The following CD4 variants were observed in gnomAD, a reference collection of about 807,000 sequenced individuals.
CD4 encodes T-cell surface glycoprotein CD4.
CD4 carries 25 observed loss-of-function variants against 50.5 expected under a neutral mutation model. The observed-to-expected ratio is 0.49, with a 90% CI of 0.36 to 0.69. The LOEUF (loss-of-function observed/expected upper bound fraction) is 0.69, where lower values mean the gene tolerates loss of function less well. Ranked by LOEUF, CD4 falls within the 30% of genes least tolerant of loss-of-function variation. CD4 has a pLI of 0.00. For synonymous variants in CD4, 207 were observed against 221.9 expected (o/e 0.93, Z 0.60); for missense variants, 456 against 548.5 (o/e 0.83, Z 1.68).
intron 1 of CD4, among the ~76,000 whole-genome samples, chr12:6,796,945 C>G (rs114306020): frequency 6.6e-6 from 1 of 152,214 alleles, no homozygotes; most frequent in African/African-American, 2.4e-5. Flanking sequence ...CCTCCTCGCA[C>G]ATCCCTACCA....
At position 6,814,202 on chromosome 12, in the gene CD4, T is replaced by C; in HGVS notation, c.275T>C (p.Phe92Ser). Residue 92 changes from phenylalanine (F) to serine (S), a missense_variant, in exon 4 of 10, where the codon TTT becomes TCT. By Grantham distance (155) the Phe-to-Ser change is radical (BLOSUM62 -2). Transcript: ENST00000011653. ...AGAAGCCTTTGGGACCAAGGAAACT[T>C]TCCCCTGATCATCAAGAATCTTAAG... is the stretch of plus-strand genomic sequence containing the variant. ...SRRSLWDQGNFPLIIKNLKIE... is the reference protein window; with the variant it reads ...SRRSLWDQGNSPLIIKNLKIE... The C allele has an allele frequency of 6.2e-7, 1 of 1,614,126 alleles. No individual in the cohort carries two copies. Among genetic ancestry groups the C allele is most frequent in the African/African-American group, 1.3e-5 (1 of 75,028 alleles).
At position 6,814,877 on chromosome 12, in the gene CD4, G is replaced by T. The variant is rs1943044894; in HGVS notation, c.492G>T (p.Gln164His). The change falls in exon 5 of 10, where the codon CAG becomes CAT. Residue 164 changes from glutamine to histidine, a missense_variant. Physicochemically the swap from Gln to His is conservative, Grantham distance 24. Coordinates refer to ENST00000011653, the MANE Select transcript of CD4 (RefSeq NM_000616.5). ...GGAGTCCAAGGGGTAAAAACATACA[G>T]GGGGGGAAGACCCTCTCCGTGTCTC... is the stretch of plus-strand genomic sequence containing the variant. ...QCRSPRGKNI[Q>H]GGKTLSVSQL... is the part of the protein sequence containing the mutation. 3 of 1,612,830 alleles carry T rather than the reference G, an allele frequency of 1.9e-6. No homozygotes were observed. The highest frequency in any genetic ancestry group is 2.2e-5 in the East Asian group (1 of 44,868).
chr12:6,810,584 G>A (rs1448942911), intron 3 of CD4, among the ~76,000 whole-genome samples: 1 of 152,194 alleles, frequency 6.6e-6, no homozygotes, highest in African/African-American at 2.4e-5. Context: ...GAGAACCAAA[G>A]ACAGAGTCTG....
chr12:6,796,246 C>A (rs1471509977), intron 1 of CD4, among the ~76,000 whole-genome samples: 1 of 152,146 alleles, frequency 6.6e-6, no homozygotes, highest in Non-Finnish European at 1.5e-5. Context: ...GAAACCAAAT[C>A]ACTATACACA....
At position 6,819,441 on chromosome 12, in the gene CD4, C is replaced by A. The variant is rs1338466204; in HGVS notation, c.*112C>A. ...TCCCCAGCCTCTGGCCTCCTGTTCG[C>A]CTCCTCTACAATTTGCCATTGTTTC... On this transcript the variant is annotated 3_prime_UTR_variant, in exon 10 of 10. Transcript: ENST00000011653. The A allele has an allele frequency of 2.0e-6, 2 of 993,298 alleles. No individual in the cohort carries two copies. Among genetic ancestry groups the A allele is most frequent in the Non-Finnish European group, 3.2e-6 (2 of 622,820 alleles). The allele number at this position is 993,298 out of a possible 1,614,324, so 61.5% of individuals were successfully genotyped here. A position where few individuals can be genotyped will look rare whatever the true frequency, so the allele number is the denominator to read the frequency against.
chr12:6,819,005 A>C, intron 9 of CD4, 91 bp downstream of exon 9: 1 of 686,856 alleles, frequency 1.5e-6, no homozygotes. Context: ...AAAGGGGGGC[A>C]GGAAGGGAGG....
In CD4 at chr12:6,818,346, G is replaced by C; in HGVS notation, c.1157-75G>C. 1 of 1,577,482 alleles carries C rather than the reference G, an allele frequency of 6.3e-7. No homozygotes were observed. Among genetic ancestry groups the C allele is most frequent in the Non-Finnish European group, 8.6e-7 (1 of 1,158,946 alleles). Reference sequence around the variant, plus strand: ...GGTCAAACCAGAGACTGGCCAGGAGGGATTGCAGGGCAGTCCTCAGTCCCC... The same window carrying C: ...GGTCAAACCAGAGACTGGCCAGGAGCGATTGCAGGGCAGTCCTCAGTCCCC... On this transcript the variant is annotated intron_variant, in intron 7 of 9. Transcript: ENST00000011653. This position sits in a 1 kb window ranked among gnomAD's most constrained non-coding sequence, Gnocchi z 5.0.
At chr12:6,819,028 A>G (rs1591568586) in intron 9 of CD4, 114 bp downstream of exon 9, 1 of 733,258 alleles carries the variant, frequency 1.4e-6, no homozygotes, top group South Asian at 1.6e-5. Context: ...GGAGAGGAGG[A>G]AGGAGTTGAG....
chr12:6,801,039 G>A (rs1400694169), intron 3 of CD4, among the ~76,000 whole-genome samples: 3 of 151,810 alleles, frequency 2.0e-5, no homozygotes, highest in Non-Finnish European at 2.9e-5. Flanking sequence ...CCAAGTAGCT[G>A]GGACTACAGG....
intron 3 of CD4, among the ~76,000 whole-genome samples, chr12:6,805,196 AAAAAAAAAAAG>A (rs1173133329): frequency 7.1e-5 from 10 of 140,654 alleles, no homozygotes; most frequent in African/African-American, 1.6e-4. Context: ...AAAAAAAAAA[AAAAAAAAAAAG>A]AAAAGAAAAG....
chr12:6,813,155 A>G (rs1284038128), intron 3 of CD4, among the ~76,000 whole-genome samples: 4 of 151,210 alleles, frequency 2.6e-5, no homozygotes, highest in African/African-American at 9.7e-5. Flanking sequence ...TTTCACTGCA[A>G]CCTTTGACTT....
At position 6,792,657 on chromosome 12, in the gene CD4, G is replaced by A. The variant is rs2707211; in HGVS notation, c.-68+2995G>A. On this transcript the variant is annotated intron_variant, in intron 1 of 9. Transcript: ENST00000011653. This position sits in a 1 kb window ranked among gnomAD's most constrained non-coding sequence, Gnocchi z 4.1. ...CTCACATCCACCCTGGGCTGCAGGCGTGCTCGGCAGGCTCCCCACAGATCA... is the reference window on the plus strand; with the variant it reads ...CTCACATCCACCCTGGGCTGCAGGCATGCTCGGCAGGCTCCCCACAGATCA... Among the ~76,000 whole-genome samples the A allele has an allele frequency of 0.33, 50,135 of 151,964 alleles. 8,382 individuals carry two copies. The highest frequency in any genetic ancestry group is 0.41 in the South Asian group (1,953 of 4,814).
intron 1 of CD4, among the ~76,000 whole-genome samples, chr12:6,793,978 C>CTATCTATG (rs756066421): frequency 9.9e-5 from 15 of 151,200 alleles, no homozygotes; most frequent in Non-Finnish European, 1.8e-4. Context: ...CTATATCTAT[C>CTATCTATG]TATCTATCTA....
In CD4 at chr12:6,816,658, AC is replaced by A. The variant is rs1162711406; in HGVS notation, c.955+258del. ...AGGGTTCCAGTTCTTCCTATAACCA[AC>A]CCTCTGTGACCCTGGCTAAGCCCCC... On this transcript the variant is annotated intron_variant, in intron 6 of 9. Coordinates refer to ENST00000011653, the MANE Select transcript of CD4 (RefSeq NM_000616.5). The surrounding 1 kb of genome is among the most constrained non-coding windows in gnomAD (Gnocchi z 4.9). Among the ~76,000 whole-genome samples, 2 of 151,978 alleles carry A rather than the reference AC, an allele frequency of 1.3e-5. No individual in the cohort carries two copies. Among genetic ancestry groups the A allele is most frequent in the Non-Finnish European group, 2.9e-5 (2 of 67,984 alleles).
At chr12:6,819,270 C>T (rs1555118646) in intron 9 of CD4, 29 bp from the exon 10 acceptor site, 1 of 1,612,814 alleles carries the variant, frequency 6.2e-7, no homozygotes, top group Admixed American at 1.7e-5. Flanking sequence ...TGGGGACAGA[C>T]CTGCTCCCCT....
chr12:6,806,023 G>T (rs1555116091), intron 3 of CD4, among the ~76,000 whole-genome samples: 1 of 151,632 alleles, frequency 6.6e-6, no homozygotes, highest in African/African-American at 2.4e-5. Context: ...AAGAGGCTGG[G>T]CACAGTGGCT....
intron 7 of CD4, among the ~76,000 whole-genome samples, chr12:6,817,986 G>A (rs1212188294): frequency 4.0e-5 from 6 of 150,596 alleles, no homozygotes; most frequent in South Asian, 2.1e-4. Flanking sequence ...GTGCACACAC[G>A]CGCGCGCACA....
intron 1 of CD4, among the ~76,000 whole-genome samples, chr12:6,793,664 CTAT>C (rs1942244678): frequency 1.2e-5 from 1 of 83,476 alleles, no homozygotes; most frequent in African/African-American, 5.1e-5. Flanking sequence ...ATCTATCTAT[CTAT>C]CTATCTATCT....
chr12:6,807,828 C>G (rs1942811148), intron 3 of CD4, among the ~76,000 whole-genome samples: 1 of 152,090 alleles, frequency 6.6e-6, no homozygotes, highest in Admixed American at 6.5e-5. Flanking sequence ...CATCTGTAAT[C>G]TCAGCTCTTT....
Sources: gnomAD v4.1 joint callset for allele counts (sites outside exome capture counted in the v4.1 genomes callset) on GRCh38, gnomAD v4.1.1 for gene constraint, Gnocchi (gnomAD v3.1) non-coding constraint, MANE v1.5 for transcripts, NCBI Gene and HGNC (gene_info 2026-07-23, HGNC 2026-07-21) for gene names.